Variants in ZFAND4 observed in about 807,000 individuals in gnomAD.
The protein encoded by ZFAND4 is AN1-type zinc finger protein 4.
ZFAND4 carries 43 observed loss-of-function variants against 64.4 expected under a neutral mutation model. The observed-to-expected ratio is 0.67, with a 90% CI of 0.52 to 0.86. The LOEUF (loss-of-function observed/expected upper bound fraction) is 0.86. Ranked by LOEUF, ZFAND4 falls within the 40% of genes least tolerant of loss-of-function variation. The pLI is 0.00. For missense variants in ZFAND4, 929 were observed against 859.8 expected (o/e 1.08, Z -1.01); for synonymous variants, 296 against 305.7 (o/e 0.97, Z 0.33).
intron 5 of ZFAND4, among the ~76,000 whole-genome samples, chr10:45,644,752 GTTA>G (rs2047256893): frequency 6.6e-6 from 1 of 152,140 alleles, no homozygotes; most frequent in South Asian, 2.1e-4. Context: ...ATTGCTCTGT[GTTA>G]TTGTTTATTG....
chr10:45,653,749 A>G lies in ZFAND4; in HGVS notation c.185-690T>C, dbSNP rs535483343. 3.9e-5 allele frequency among the ~76,000 whole-genome samples: 6 copies of G among 152,352 alleles called. No homozygotes were observed. The East Asian group carries it at 1.2e-3, about 29-fold the overall frequency. ...GCAAATTAGTTCAGCCATTGTGGAA[A>G]GCAATGTGGAGATTTCTCAAAGAGT... On this transcript the variant is annotated intron_variant, in intron 2 of 9. Transcript: ENST00000344646.
rs986509872 is a variant in ZFAND4 at position 45,639,821 on chromosome 10, T to C, written c.712A>G (p.Lys238Glu). Residue 238 changes from lysine to glutamate, a missense_variant, in exon 6 of 10, where the codon AAA becomes GAA. Lys to Glu is a moderately conservative substitution (Grantham distance 56). Coordinates refer to ENST00000344646, the MANE Select transcript of ZFAND4 (RefSeq NM_174890.4). ...KAKMKNMNLSKKPKKAVKIKP... is the reference protein window; with the variant it reads ...KAKMKNMNLSEKPKKAVKIKP... ...TCAAATGCCAACAGCTTCACCTTTT[T>C]GCTGAGATTCATGTTCTTCATCTTA... 3.7e-5 allele frequency: 59 copies of C among 1,609,672 alleles called. No individual in the cohort carries two copies. Among genetic ancestry groups the C allele is most frequent in the East Asian group, 2.2e-5 (1 of 44,788 alleles).
chr10:45,646,312 G>A (rs1356503086), intron 5 of ZFAND4, among the ~76,000 whole-genome samples: 1 of 152,090 alleles, frequency 6.6e-6, no homozygotes, highest in Admixed American at 6.6e-5. Context: ...GTTACTATCT[G>A]CACACCTTTA....
rs1047905703 is a variant in ZFAND4 at position 45,618,076 on chromosome 10, G to C, written c.2048+64C>G. ...ACAGGCAATTTAAATATTTTATTTT[G>C]CATAATCCCCAAGCTGGGTTATCAC... is the stretch of plus-strand genomic sequence containing the variant. On this transcript the variant is annotated intron_variant, in intron 9 of 9. Transcript: ENST00000344646. 5 of 1,534,302 alleles carry C rather than the reference G, an allele frequency of 3.3e-6. No individual in the cohort carries two copies. The African/African-American group carries it at 4.2e-5, about 13-fold the overall frequency.
intron 1 of ZFAND4, among the ~76,000 whole-genome samples, chr10:45,664,274 CT>C (rs748024984): frequency 3.0e-3 from 429 of 141,644 alleles, no homozygotes; most frequent in Middle Eastern, 7.4e-3. Context: ...GTACATTTGA[CT>C]TTTTTTTTTT....
rs889582729 is a variant in ZFAND4 at position 45,652,271 on chromosome 10, C to T, written c.261-238G>A. On this transcript the variant is annotated intron_variant, in intron 3 of 9. Coordinates refer to ENST00000344646, the MANE Select transcript of ZFAND4 (RefSeq NM_174890.4). The stretch of plus-strand genomic sequence containing the variant: ...AGAATAAACATACTGGAAAAGACCT[C>T]TGTGATTACGTGTTTTAGCCTGTTC... Among the ~76,000 whole-genome samples, 7 of 152,196 alleles carry T rather than the reference C, an allele frequency of 4.6e-5. No homozygotes were observed. The East Asian group carries it at 1.3e-3, about 29-fold the overall frequency.
chr10:45,654,260 AAC>A (rs1413132093), intron 2 of ZFAND4, among the ~76,000 whole-genome samples: 1 of 152,164 alleles, frequency 6.6e-6, no homozygotes, highest in Non-Finnish European at 1.5e-5. Flanking sequence ...AAACTTCAGC[AAC>A]ACACAATTTA....
intron 1 of ZFAND4, among the ~76,000 whole-genome samples, chr10:45,665,707 G>A (rs373491643): frequency 1.3e-5 from 2 of 152,154 alleles, no homozygotes; most frequent in East Asian, 3.9e-4. Context: ...CCCATACCCT[G>A]TAACCAACAC....
chr10:45,669,619 C>T (rs1002202983), intron 1 of ZFAND4, among the ~76,000 whole-genome samples: 1 of 152,088 alleles, frequency 6.6e-6, no homozygotes, highest in Non-Finnish European at 1.5e-5. Flanking sequence ...AACATCTATG[C>T]GAAAATCCTC....
chr10:45,661,273 T>C (rs1404682748), intron 2 of ZFAND4, among the ~76,000 whole-genome samples: 1 of 152,216 alleles, frequency 6.6e-6, no homozygotes, highest in Non-Finnish European at 1.5e-5. Flanking sequence ...GCCAGTAATC[T>C]GAAGCCAGGC....
At chr10:45,665,606 C>G (rs2048773816) in intron 1 of ZFAND4, among the ~76,000 whole-genome samples, 1 of 152,004 alleles carries the variant, frequency 6.6e-6, no homozygotes, top group Non-Finnish European at 1.5e-5. Flanking sequence ...TCATTTAAAG[C>G]CTAAAATTCA....
chr10:45,632,378 T>C (rs1271973414), intron 6 of ZFAND4, among the ~76,000 whole-genome samples: 2 of 151,016 alleles, frequency 1.3e-5, no homozygotes. Flanking sequence ...AGTGAATAAA[T>C]AAAAAGGATG....
rs117963741 is a variant in ZFAND4, at chr10:45,653,760, G to A, written c.185-701C>T. Among the ~76,000 whole-genome samples, 17 of 152,272 alleles carry A rather than the reference G, an allele frequency of 1.1e-4. No individual in the cohort carries two copies. In the East Asian group the frequency reaches 2.5e-3, roughly 23 times the overall value. ...CAGCCATTGTGGAAAGCAATGTGGA[G>A]ATTTCTCAAAGAGTTTAAAACAGAA... On this transcript the variant is annotated intron_variant, in intron 2 of 9. Transcript: ENST00000344646.
chr10:45,671,837 AT>A (rs2133897381), intron 1 of ZFAND4, among the ~76,000 whole-genome samples: 1 of 151,516 alleles, frequency 6.6e-6, no homozygotes, highest in African/African-American at 2.4e-5. Flanking sequence ...AAAAAAAAAA[AT>A]CAATTCCCAA....
chr10:45,627,154 C>T (rs2133579750), intron 6 of ZFAND4, 49 bp from the exon 7 acceptor site: 2 of 1,452,290 alleles, frequency 1.4e-6, no homozygotes, highest in East Asian at 2.3e-5. Context: ...TTTCTCTGCC[C>T]ATTAACAAAA....
chr10:45,648,923 G>C, intron 4 of ZFAND4: 1 of 981,772 alleles, frequency 1.0e-6, no homozygotes. Flanking sequence ...TTCAAATATT[G>C]GTTCCAACAA....
chr10:45,640,497 A>AT (rs536739379), intron 5 of ZFAND4: 17,366 of 974,358 alleles, frequency 0.018, no homozygotes, highest in South Asian at 0.026. Context: ...AGCAAAAAAC[A>AT]TTTTTTTTTT....
At chr10:45,617,533 C>G (rs912395498) in intron 9 of ZFAND4, among the ~76,000 whole-genome samples, 4 of 135,392 alleles carry the variant, frequency 3.0e-5, no homozygotes, top group African/African-American at 1.1e-4. Flanking sequence ...GAGGCTGAGG[C>G]AGGGGGATCG....
chr10:45,629,159 C>T (rs2046041311), intron 6 of ZFAND4, among the ~76,000 whole-genome samples: 1 of 152,056 alleles, frequency 6.6e-6, no homozygotes, highest in African/African-American at 2.4e-5. Context: ...TTACTGCAGC[C>T]TCACCCTCCC....
Sources: allele counts gnomAD v4.1 joint callset (sites outside exome capture counted in the v4.1 genomes callset), GRCh38; gene constraint gnomAD v4.1.1; transcripts MANE v1.5; gene names NCBI Gene and HGNC (gene_info 2026-07-23, HGNC 2026-07-21).